The following PRKAR1A variants were observed in gnomAD, a reference collection of about 807,000 sequenced individuals.
The protein encoded by PRKAR1A is protein kinase cAMP-dependent type I regulatory subunit alpha.
PRKAR1A carries 3 observed loss-of-function variants against 52.0 expected under a neutral mutation model. The observed-to-expected ratio is 0.06, with a 90% CI of 0.03 to 0.15. PRKAR1A has a LOEUF of 0.15. PRKAR1A is among the 10% of genes least tolerant of loss of function. The pLI, the probability that PRKAR1A is intolerant of heterozygous loss-of-function variation, is 1.00. For synonymous variants in PRKAR1A, 188 were observed against 168.4 expected (o/e 1.12, Z -0.90); for missense variants, 240 against 477.4 (o/e 0.50, Z 4.63).
the PRKAR1A span, among the ~76,000 whole-genome samples, chr17:68,486,013 A>G: frequency 1.3e-5 from 2 of 152,188 alleles, no homozygotes; most frequent in South Asian, 4.1e-4. Flanking sequence ...TGCTGAGATT[A>G]CAGGCGTGAG....
At chr17:68,539,542 C>T (rs1432562002) in intron 11 of PRKAR1A, 2 of 752,506 alleles carry the variant, frequency 2.7e-6, no homozygotes, top group Non-Finnish European at 4.7e-6. Context: ...GCCCCTCTCC[C>T]CAGTCAGATC....
At chr17:68,478,004 A>T in the PRKAR1A span, among the ~76,000 whole-genome samples, 2 of 152,178 alleles carry the variant, frequency 1.3e-5, no homozygotes, top group Non-Finnish European at 2.9e-5. Context: ...ATTACAGAGG[A>T]TGGCCGCTGT....
chr17:68,452,809 G>A, the PRKAR1A span: 1 of 1,057,894 alleles, frequency 9.5e-7, no homozygotes, highest in South Asian at 1.4e-5. Flanking sequence ...TGATGGCTAA[G>A]GAAGGGAAAA....
the PRKAR1A span, among the ~76,000 whole-genome samples, chr17:68,483,774 T>C: frequency 6.6e-6 from 1 of 151,936 alleles, no homozygotes; most frequent in Non-Finnish European, 1.5e-5. Context: ...GGCAGGAGAA[T>C]TGCTTGAACC....
the PRKAR1A span, among the ~76,000 whole-genome samples, chr17:68,489,272 A>ATATATATATATATATGGAAAG: frequency 3.0e-4 from 5 of 16,942 alleles, 1 homozygote; most frequent in East Asian, 8.8e-3. Flanking sequence ...GAAAGTATAT[A>ATATATATATATATATGGAAAG]TATATATATA....
chr17:68,504,750 A>G, the PRKAR1A span, among the ~76,000 whole-genome samples: 1 of 152,220 alleles, frequency 6.6e-6, no homozygotes, highest in African/African-American at 2.4e-5. Flanking sequence ...AACTAGTTAG[A>G]AAGGATGAAT....
chr17:68,489,658 C>A, the PRKAR1A span, among the ~76,000 whole-genome samples: 1 of 151,622 alleles, frequency 6.6e-6, no homozygotes, highest in Non-Finnish European at 1.5e-5. Context: ...TCAAGTGATT[C>A]TCATGCCTCA....
In PRKAR1A at chr17:68,532,099, T is replaced by TG; in HGVS notation, c.*1653dup. ...AAGAGGTTTTATTTACATTTTAGGG[T>TG]GGGTAAGAAAGCCACCTTGTTACAA... is the stretch of plus-strand genomic sequence containing the variant. On this transcript the variant is annotated 3_prime_UTR_variant, in exon 11 of 11. Transcript: ENST00000589228. The TG allele has an allele frequency of 2.8e-6, 3 of 1,065,094 alleles. No individual in the cohort carries two copies. The highest frequency in any genetic ancestry group is 3.4e-6 in the Non-Finnish European group (3 of 878,832). 66.0% of individuals were successfully genotyped at this position (1,065,094 alleles called of 1,614,324 possible).
chr17:68,545,121 G>A (rs1315322802), intron 11 of PRKAR1A, among the ~76,000 whole-genome samples: 1 of 151,972 alleles, frequency 6.6e-6, no homozygotes, highest in Non-Finnish European at 1.5e-5. Context: ...AAAATACAAA[G>A]CGCATAATTT....
At position 68,541,858 on chromosome 17, in the gene PRKAR1A, A is replaced by G; in HGVS notation, c.974-9226A>G. The G allele has an allele frequency of 2.6e-6, 3 of 1,154,032 alleles. No individual in the cohort carries two copies. In the South Asian group the frequency reaches 4.5e-5, roughly 17 times the overall value. The allele number at this position is 1,154,032 out of a possible 1,614,324, so 71.5% of individuals were successfully genotyped here. A position where few individuals can be genotyped will look rare whatever the true frequency, so the allele number is the denominator to read the frequency against. On this transcript the variant is annotated intron_variant, in intron 11 of 11. Transcript: ENST00000585981. Reference sequence around the variant, plus strand: ...CAGGCCTGCTGATCCCAGGATCAATATGAAATGGGGCAAAGGAGTATTGAG... The same window carrying G: ...CAGGCCTGCTGATCCCAGGATCAATGTGAAATGGGGCAAAGGAGTATTGAG...
chr17:68,492,778 A>G, the PRKAR1A span, among the ~76,000 whole-genome samples: 4 of 152,286 alleles, frequency 2.6e-5, no homozygotes, highest in African/African-American at 9.6e-5. Context: ...CAAGTTTTAG[A>G]GCAGGAGTGC....
chr17:68,550,972 T>A, intron 11 of PRKAR1A: 1 of 969,764 alleles, frequency 1.0e-6, no homozygotes. Flanking sequence ...CTTGAATGGC[T>A]GAAGGTTTGG....
the PRKAR1A span, chr17:68,436,287 C>A: frequency 8.8e-7 from 1 of 1,141,134 alleles, no homozygotes; most frequent in Non-Finnish European, 1.3e-6. Context: ...CCCACCGCCT[C>A]CAGCCCCCGA....
At chr17:68,434,599 G>A in the PRKAR1A span, 1 of 1,613,848 alleles carries the variant, frequency 6.2e-7, no homozygotes, top group Non-Finnish European at 8.5e-7. Flanking sequence ...TGCCCATCAG[G>A]GACAGAGAAC....
downstream of PRKAR1A, chr17:68,533,437 C>G (rs1383775656): frequency 2.9e-6 from 3 of 1,052,256 alleles, no homozygotes; most frequent in Non-Finnish European, 3.4e-6. Context: ...GAAAATTTCT[C>G]TGGGTTGACA....
chr17:68,468,595 A>C, the PRKAR1A span, among the ~76,000 whole-genome samples: 1 of 152,196 alleles, frequency 6.6e-6, no homozygotes, highest in Non-Finnish European at 1.5e-5. Context: ...GCACCAGTTT[A>C]TTTTGGTACC....
the PRKAR1A span, chr17:68,421,618 G>T: frequency 9.9e-7 from 1 of 1,005,526 alleles, no homozygotes; most frequent in Non-Finnish European, 1.5e-6. Context: ...AGCTTGGTGA[G>T]GAGTTAACCA....
At chr17:68,510,654 A>C (rs1568683357), upstream of PRKAR1A, among the ~76,000 whole-genome samples, 1 of 152,088 alleles carries the variant, frequency 6.6e-6, no homozygotes, top group Non-Finnish European at 1.5e-5. Context: ...CCTTCTTTGT[A>C]CTGTCAAGAG....
At chr17:68,524,777 T>TC (rs2085731021) in intron 5 of PRKAR1A, 135 bp from the exon 6 acceptor site, 4 of 734,338 alleles carry the variant, frequency 5.4e-6, no homozygotes, top group Non-Finnish European at 9.3e-6. Flanking sequence ...TGATTTTCTT[T>TC]CCCCTGAAAG....
Sources: gnomAD v4.1 joint callset for allele counts (sites outside exome capture counted in the v4.1 genomes callset) on GRCh38, gnomAD v4.1.1 for gene constraint, MANE v1.5 for transcripts, NCBI Gene and HGNC (gene_info 2026-07-23, HGNC 2026-07-21) for gene names.